TECTB: variants seen among roughly 807,000 people sequenced by gnomAD.
TECTB encodes the protein beta-tectorin.
Under a neutral mutation model 43.3 loss-of-function variants are expected in TECTB, and 45 were observed. The ratio of observed to expected loss-of-function variants is 1.04; its 90% CI spans 0.82 to 1.33. The LOEUF (loss-of-function observed/expected upper bound fraction) is 1.33. Among genes scored for constraint, TECTB ranks in the 40% most tolerant of loss-of-function variants. TECTB has a pLI of 0.00. For missense variants in TECTB, 399 were observed against 404.7 expected, an observed-to-expected ratio of 0.99 and a Z score of 0.12; for synonymous variants, 169 against 156.7, an observed-to-expected ratio of 1.08 and a Z score of -0.59.
At chr10:112,284,315 G>A (rs1848437162) in intron 2 of TECTB, among the ~76,000 whole-genome samples, 2 of 152,080 alleles carry the variant, frequency 1.3e-5, no homozygotes, top group Non-Finnish European at 2.9e-5. Context: ...CATGTTAAAC[G>A]TGGTGCAGTC....
Position 112,298,155 on chromosome 10 carries a change from A to G in TECTB, c.758A>G (p.Asn253Ser). 6.2e-7 allele frequency: 1 copy of G among 1,614,192 alleles called. No homozygotes were observed. The highest frequency in any genetic ancestry group is 8.5e-7 in the Non-Finnish European group (1 of 1,180,040). The stretch of plus-strand genomic sequence containing the variant: ...CAATTCAATGCTTTCCGGTTCCAGA[A>G]CATCCCCAAACTCTCCAAGGTGTGG... ...TFQFNAFRFQ[N>S]IPKLSKVWLH... Residue 253 changes from asparagine (N) to serine (S), a missense_variant, in exon 8 of 11, where the codon AAC becomes AGC. Physicochemically the swap from Asn to Ser is conservative, Grantham distance 46. Transcript: ENST00000646139.
Position 112,284,707 on chromosome 10 carries a change from T to C in TECTB, c.249T>C (p.Tyr83=), listed in dbSNP as rs766076560. ...ATTTATCACCTAAAAACAAGTCCTA[T>C]TGTGGAACCCAGTCTGAGGTAAGAC... The part of the protein sequence containing the change: ...IPDLSPKNKS[Y]CGTQSEYKPP... The change falls in exon 3 of 11, where the codon TAT becomes TAC. Residue 83 remains tyrosine, a synonymous_variant. Transcript: ENST00000646139. 5.6e-6 allele frequency: 9 copies of C among 1,603,192 alleles called. No individual in the cohort carries two copies. The highest frequency in any genetic ancestry group is 2.7e-5 in the African/African-American group (2 of 74,880).
intron 9 of TECTB, among the ~76,000 whole-genome samples, chr10:112,300,057 G>A (rs965733170): frequency 2.6e-5 from 4 of 151,254 alleles, no homozygotes; most frequent in Non-Finnish European, 4.4e-5. Context: ...AACTACTCGG[G>A]AGGCTAAGGC....
At chr10:112,284,796 A>G (rs543436564) in intron 3 of TECTB, 71 bp downstream of exon 3, 1 of 1,327,046 alleles carries the variant, frequency 7.5e-7, no homozygotes, top group East Asian at 2.7e-5. Context: ...GATGTCTGCC[A>G]TCTGTCCTTG....
Position 112,303,421 on chromosome 10 carries a change from G to A in TECTB, c.*109G>A. The A allele has an allele frequency of 1.4e-6, 2 of 1,399,724 alleles. No homozygotes were observed. Among genetic ancestry groups the A allele is most frequent in the South Asian group, 1.2e-5 (1 of 84,442 alleles). The allele number at this position is 1,399,724 out of a possible 1,614,324, so 86.7% of individuals were successfully genotyped here. On this transcript the variant is annotated 3_prime_UTR_variant, in exon 11 of 11. Transcript: ENST00000646139. ...CAAACAGAAGACCACATTGTTGGGGGGCAGAGAATAGCACTTTGCCAAATA... is the reference window on the plus strand; with the variant it reads ...CAAACAGAAGACCACATTGTTGGGGAGCAGAGAATAGCACTTTGCCAAATA...
At chr10:112,297,487 T>G (rs1374686163) in intron 7 of TECTB, among the ~76,000 whole-genome samples, 1 of 152,194 alleles carries the variant, frequency 6.6e-6, no homozygotes, top group Admixed American at 6.5e-5. Context: ...TGTATCAGCC[T>G]GTGTTAACAT....
At position 112,289,358 on chromosome 10, in the gene TECTB, T is replaced by C. The variant is rs1045022538; in HGVS notation, c.483+2967T>C. Among the ~76,000 whole-genome samples the C allele has an allele frequency of 7.2e-5, 11 of 152,052 alleles. 1 individual carries two copies. Among genetic ancestry groups the C allele is most frequent in the African/African-American group, 1.9e-4 (8 of 41,398 alleles). ...ATGAAAAAGCTTAAGACGGAAAAAATGCAAGCAATAGAGGCCAAAATCATA... is the reference window on the plus strand; with the variant it reads ...ATGAAAAAGCTTAAGACGGAAAAAACGCAAGCAATAGAGGCCAAAATCATA... On this transcript the variant is annotated intron_variant, in intron 5 of 10. Transcript: ENST00000646139.
intron 5 of TECTB, among the ~76,000 whole-genome samples, chr10:112,287,131 A>C (rs989953390): frequency 1.3e-5 from 2 of 152,154 alleles, no homozygotes; most frequent in African/African-American, 2.4e-5. Flanking sequence ...CAATGTATTG[A>C]GGTTCCTGAC....
chr10:112,301,737 A>G (rs1848613891), intron 9 of TECTB, among the ~76,000 whole-genome samples: 1 of 148,316 alleles, frequency 6.7e-6, no homozygotes, highest in South Asian at 2.1e-4. Flanking sequence ...TTTGTGTTTT[A>G]TTTATTTATT....
intron 7 of TECTB, among the ~76,000 whole-genome samples, chr10:112,295,040 T>C (rs562431127): frequency 2.0e-5 from 3 of 152,152 alleles, no homozygotes; most frequent in Non-Finnish European, 4.4e-5. Flanking sequence ...CAAATGATGA[T>C]TGTCCAGAAG....
intron 7 of TECTB, 57 bp from the exon 8 acceptor site, chr10:112,298,012 G>C: frequency 6.2e-7 from 1 of 1,610,362 alleles, no homozygotes; most frequent in Non-Finnish European, 8.5e-7. Flanking sequence ...TCGCTCAGCA[G>C]CTCTTGCTGG....
At chr10:112,292,927 A>T (rs1848511437) in intron 5 of TECTB, among the ~76,000 whole-genome samples, 1 of 152,096 alleles carries the variant, frequency 6.6e-6, no homozygotes, top group Non-Finnish European at 1.5e-5. Context: ...GGATAGCTAC[A>T]TGGCCCCCCT....
Position 112,286,081 on chromosome 10 carries a change from C to G in TECTB, c.278C>G (p.Pro93Arg). ...YCGTQSEYKP[P>R]IYHFYSHIVS... ...CCTTTCTTTGTCCAGTACAAGCCAC[C>G]TATCTATCACTTCTACAGTCACATC... The change falls in exon 4 of 11, where the codon CCT becomes CGT. Residue 93 changes from proline (P) to arginine (R), a missense_variant. Transcript: ENST00000646139. The G allele has an allele frequency of 6.2e-7, 1 of 1,614,134 alleles. No homozygotes were observed. The highest frequency in any genetic ancestry group is 8.5e-7 in the Non-Finnish European group (1 of 1,179,976).
chr10:112,296,008 A>T (rs371125090), intron 7 of TECTB, among the ~76,000 whole-genome samples: 2 of 152,286 alleles, frequency 1.3e-5, no homozygotes, highest in South Asian at 2.1e-4. Flanking sequence ...ACACAGCCAG[A>T]TGTAAGACAT....
intron 7 of TECTB, among the ~76,000 whole-genome samples, chr10:112,294,781 G>T (rs889117397): frequency 5.3e-5 from 8 of 152,172 alleles, no homozygotes; most frequent in Non-Finnish European, 8.8e-5. Context: ...CAAGTGAATG[G>T]AACAAGGTAA....
intron 10 of TECTB, 85 bp downstream of exon 10, chr10:112,302,218 C>G: frequency 2.6e-6 from 4 of 1,542,736 alleles, no homozygotes; most frequent in Non-Finnish European, 3.6e-6. Flanking sequence ...TAACTTTGGC[C>G]CCGGCAAAAC....
chr10:112,297,922 A>G lies in TECTB; in HGVS notation c.672-147A>G, dbSNP rs144740542. The G allele has an allele frequency of 2.5e-3, 2,489 of 996,118 alleles. 7 individuals carry two copies. The highest frequency in any genetic ancestry group is 3.3e-3 in the Non-Finnish European group (2,191 of 659,128). The allele number at this position is 996,118 out of a possible 1,614,324, so 61.7% of individuals were successfully genotyped here. ...CATCAACTTGACCTCACAGTTGTGA[A>G]GATCAAGTGAGGTGCTGCTAATCAA... is the stretch of plus-strand genomic sequence containing the variant. On this transcript the variant is annotated intron_variant, in intron 7 of 10. Transcript: ENST00000646139.
intron 7 of TECTB, among the ~76,000 whole-genome samples, chr10:112,296,941 T>C (rs1033102879): frequency 6.6e-6 from 1 of 152,086 alleles, no homozygotes; most frequent in Non-Finnish European, 1.5e-5. Context: ...ATAGACCTTT[T>C]CCTGCAGAGC....
chr10:112,304,939 C>G lies in TECTB; in HGVS notation c.*1627C>G, dbSNP rs1589644897. ...TCAAATCCTTTGCTGTCAGAATAAA[C>G]CAATGTTGTATTAGTTTTGCTGTAT... On this transcript the variant is annotated 3_prime_UTR_variant, in exon 11 of 11. Transcript: ENST00000646139. 6.6e-6 allele frequency: 1 copy of G among 152,080 alleles called. No individual in the cohort carries two copies. The highest frequency in any genetic ancestry group is 1.5e-5 in the Non-Finnish European group (1 of 68,018). 9.4% of individuals were successfully genotyped at this position (152,080 alleles called of 1,614,324 possible). A position where few individuals can be genotyped will look rare whatever the true frequency, so the allele number is the denominator to read the frequency against.
Sources: gnomAD v4.1 joint callset for allele counts (sites outside exome capture counted in the v4.1 genomes callset) on GRCh38, gnomAD v4.1.1 for gene constraint, MANE v1.5 for transcripts, NCBI Gene and HGNC (gene_info 2026-07-23, HGNC 2026-07-21) for gene names.